The following EBLN1 variants were observed in gnomAD, a reference collection of about 807,000 sequenced individuals.
The protein encoded by EBLN1 is endogenous Bornavirus-like nucleoprotein 1.
In EBLN1, 1 loss-of-function variant was observed where a neutral mutation model predicts 0.8. The observed-to-expected ratio is 1.32, with a 90% CI of 0.47 to 6.26. The LOEUF (loss-of-function observed/expected upper bound fraction) is 6.26, where lower values mean the gene tolerates loss of function less well. Ranked by LOEUF, EBLN1 falls within the 30% of genes most tolerant of loss-of-function variation. The pLI is 0.15. For missense variants in EBLN1, 396 were observed against 447.9 expected, an observed-to-expected ratio of 0.88 and a Z score of 1.05; for synonymous variants, 158 against 158.5, an observed-to-expected ratio of 1.00 and a Z score of 0.02.
chr10:22,209,506 G>A lies in EBLN1; in HGVS notation c.478C>T (p.Gln160Ter). The A allele has an allele frequency of 6.3e-7, 1 of 1,589,078 alleles. No homozygotes were observed. Among genetic ancestry groups the A allele is most frequent in the Non-Finnish European group, 8.5e-7 (1 of 1,175,126 alleles). ...SSDPICTNSL[Q>*]VQRQFKAMMI... ...ATTGCCTTGAATTGTCTCTGTACTT[G>A]GAGGCTGTTGGTGCATATCGGGTCA... Residue 160 changes from glutamine (Q) to a stop codon, truncating the protein, a stop_gained, in exon 3 of 3, where the codon CAA (glutamine) becomes TAA (stop). Coordinates refer to ENST00000422359, the MANE Select transcript of EBLN1 (RefSeq NM_001394757.1). LOFTEE classifies it low-confidence loss of function (END_TRUNC).
Position 22,209,583 on chromosome 10 carries a change from G to T in EBLN1, c.401C>A (p.Ser134Ter), listed in dbSNP as rs775494324. Reference sequence around the variant, plus strand: ...ATCACAGCAGTGACGCAGAATTGATGACATCTCAAGGGCAGTGAAGGTAGG... The same window carrying T: ...ATCACAGCAGTGACGCAGAATTGATTACATCTCAAGGGCAGTGAAGGTAGG... ...VLPTFTALEM[S>*]SILRHCCDLI... The change falls in exon 3 of 3, where the codon TCA becomes TAA. Residue 134 changes from serine to a stop codon, truncating the protein, a stop_gained. Transcript: ENST00000422359. LOFTEE classifies it low-confidence loss of function (END_TRUNC). 6.5e-7 allele frequency: 1 copy of T among 1,539,772 alleles called. No individual in the cohort carries two copies. Among genetic ancestry groups the T allele is most frequent in the South Asian group, 1.2e-5 (1 of 84,500 alleles).
Position 22,209,724 on chromosome 10 carries a change from T to A in EBLN1, c.260A>T (p.Asp87Val). 6.5e-7 allele frequency: 1 copy of A among 1,535,848 alleles called. No individual in the cohort carries two copies. Among genetic ancestry groups the A allele is most frequent in the Non-Finnish European group, 8.7e-7 (1 of 1,146,906 alleles). ...ACTGAGTAGTGCCTTGTGTAATCCA[T>A]CGAATATAAAACACAAAAATACTAA... ...PSLVFLCFIFDGLHKALLSVG... is the reference protein window; with the variant it reads ...PSLVFLCFIFVGLHKALLSVG... Residue 87 changes from aspartate to valine, a missense_variant, in exon 3 of 3, where the codon GAT becomes GTT. Physicochemically the swap from Asp to Val is radical, Grantham distance 152 (BLOSUM62 -3). Transcript: ENST00000422359.
At chr10:22,217,313 A>G (rs1834800290) in intron 1 of EBLN1, among the ~76,000 whole-genome samples, 1 of 152,160 alleles carries the variant, frequency 6.6e-6, no homozygotes, top group Non-Finnish European at 1.5e-5. Context: ...TTTAGTAGAG[A>G]TAGGGTTTCA....
Position 22,208,549 on chromosome 10 carries a change from T to C in EBLN1, c.*334A>G, listed in dbSNP as rs759008238. Among the ~76,000 whole-genome samples the C allele has an allele frequency of 2.0e-5, 3 of 152,082 alleles. No individual in the cohort carries two copies. Among genetic ancestry groups the C allele is most frequent in the Non-Finnish European group, 4.4e-5 (3 of 68,010 alleles). On this transcript the variant is annotated 3_prime_UTR_variant, in exon 3 of 3. Coordinates refer to ENST00000422359, the MANE Select transcript of EBLN1 (RefSeq NM_001394757.1). ...AAGACAAATTAGAGAAGAAATACAA[T>C]AACCTTAAAAATGATCTGGGCCTTA...
rs1467432629 is a variant in EBLN1 at position 22,209,422 on chromosome 10, T to G, written c.562A>C (p.Asn188His). ...ATCCAATCTATAGCTGGCCCTGCAT[T>G]ATAGCTAATTAATAAATCAGCACTT... ...SESADLLISY[N>H]AGPAIDWINS... is the part of the protein sequence containing the mutation. The change falls in exon 3 of 3, where the codon AAT (asparagine) becomes CAT (histidine). Residue 188 changes from asparagine (N) to histidine (H), a missense_variant. Asn to His is a moderately conservative substitution (Grantham distance 68, BLOSUM62 1). Transcript: ENST00000422359. 6.2e-7 allele frequency: 1 copy of G among 1,601,840 alleles called. No individual in the cohort carries two copies. The highest frequency in any genetic ancestry group is 1.7e-5 in the Admixed American group (1 of 60,028).
intron 2 of EBLN1, among the ~76,000 whole-genome samples, chr10:22,212,357 C>T (rs926508012): frequency 8.5e-5 from 13 of 152,156 alleles, no homozygotes; most frequent in African/African-American, 2.7e-4. Flanking sequence ...ATGCAATTTT[C>T]AAATGGCCTA....
At position 22,209,538 on chromosome 10, in the gene EBLN1, C is replaced by G; in HGVS notation, c.446G>C (p.Gly149Ala). The change falls in exon 3 of 3, where the codon GGA becomes GCA. Residue 149 changes from glycine to alanine, a missense_variant. Transcript: ENST00000422359. Reference protein sequence around the residue: ...HCCDLIGIAAGSSDPICTNSL... With the variant: ...HCCDLIGIAAASSDPICTNSL... Reference sequence around the variant, plus strand: ...GTTGGTGCATATCGGGTCACTCGATCCGGCAGCAATGCCTATCAGATCACA... The same window carrying G: ...GTTGGTGCATATCGGGTCACTCGATGCGGCAGCAATGCCTATCAGATCACA... 6.4e-7 allele frequency: 1 copy of G among 1,554,048 alleles called. No homozygotes were observed. The highest frequency in any genetic ancestry group is 8.6e-7 in the Non-Finnish European group (1 of 1,160,548).
chr10:22,214,174 A>G (rs1834774189), intron 1 of EBLN1, among the ~76,000 whole-genome samples: 1 of 152,210 alleles, frequency 6.6e-6, no homozygotes, highest in South Asian at 2.1e-4. Flanking sequence ...CCACCCAAAT[A>G]ACCTAAATAA....
chr10:22,208,891 A>C lies in EBLN1; in HGVS notation c.1093T>G (p.Phe365Val), dbSNP rs1478254339. The change falls in exon 3 of 3, where the codon TTT (phenylalanine) becomes GTT (valine). Residue 365 changes from phenylalanine to valine, a missense_variant. By Grantham distance (50) the Phe-to-Val change is conservative (BLOSUM62 -1). Transcript: ENST00000422359. The part of the protein sequence containing the change: ...NILRGYGISG[F>V]E Reference sequence around the variant, plus strand: ...ATTAGTTCACGTATTTGTTATTCAAATCCCGAAATCCCATAACCGCGAAGG... The same window carrying C: ...ATTAGTTCACGTATTTGTTATTCAACTCCCGAAATCCCATAACCGCGAAGG... 2 of 1,520,766 alleles carry C rather than the reference A, an allele frequency of 1.3e-6. No homozygotes were observed. Among genetic ancestry groups the C allele is most frequent in the Admixed American group, 4.2e-5 (2 of 47,818 alleles). 94.2% of individuals were successfully genotyped at this position (1,520,766 alleles called of 1,614,324 possible). A position where few individuals can be genotyped will look rare whatever the true frequency, so the allele number is the denominator to read the frequency against.
rs1470212672 is a variant in EBLN1 at position 22,209,290 on chromosome 10, C to A, written c.694G>T (p.Ala232Ser). ...LDQVKVVASK[A>S]QMMTYYTVRM... is the part of the protein sequence containing the mutation. ...ACAGTGTAGTAGGTCATCATCTGTG[C>A]TTTGCTGGCAACTACTTTAACTTGA... The change falls in exon 3 of 3, where the codon GCA becomes TCA. Residue 232 changes from alanine to serine, a missense_variant. Coordinates refer to ENST00000422359, the MANE Select transcript of EBLN1 (RefSeq NM_001394757.1). The A allele has an allele frequency of 1.3e-6, 2 of 1,595,178 alleles. No individual in the cohort carries two copies. Among genetic ancestry groups the A allele is most frequent in the Admixed American group, 1.7e-5 (1 of 59,378 alleles).
At chr10:22,212,805 T>G (rs1430754575) in intron 2 of EBLN1, among the ~76,000 whole-genome samples, 37 bp downstream of exon 2, 1 of 149,480 alleles carries the variant, frequency 6.7e-6, no homozygotes, top group East Asian at 2.0e-4. Context: ...AAAGTTGTGT[T>G]TTTTTTTTTA....
Position 22,209,138 on chromosome 10 carries a change from C to T in EBLN1, c.846G>A (p.Gly282=), listed in dbSNP as rs1248916840. 85 of 1,535,862 alleles carry T rather than the reference C, an allele frequency of 5.5e-5. No homozygotes were observed. In the East Asian group the frequency reaches 1.9e-3, roughly 34 times the overall value. Residue 282 remains glycine, a synonymous_variant, in exon 3 of 3, where the codon GGG becomes GGA. Coordinates refer to ENST00000422359, the MANE Select transcript of EBLN1 (RefSeq NM_001394757.1). The part of the protein sequence containing the change: ...KKVLGDFFEF[G]GVLRHPVIGV... ...CAATAACAGGGTGGCGAAGTACACC[C>T]CCAAATTCAAAGAAATCTCCAAGTA...
At chr10:22,213,739 C>G (rs183597374) in intron 1 of EBLN1, among the ~76,000 whole-genome samples, 1 of 152,134 alleles carries the variant, frequency 6.6e-6, no homozygotes, top group East Asian at 1.9e-4. Context: ...AATGTCAAGT[C>G]TCTTGAAGTT....
At chr10:22,217,149 G>A (rs928666563) in intron 1 of EBLN1, among the ~76,000 whole-genome samples, 1 of 151,920 alleles carries the variant, frequency 6.6e-6, no homozygotes, top group Non-Finnish European at 1.5e-5. Context: ...GTTTTGAGAC[G>A]GAGTCTCGCT....
chr10:22,211,797 G>C (rs923548170), intron 2 of EBLN1, among the ~76,000 whole-genome samples: 4 of 152,002 alleles, frequency 2.6e-5, no homozygotes, highest in Admixed American at 1.3e-4. Context: ...CCAAGTGCTG[G>C]GATTACAGGT....
chr10:22,209,534 C>T lies in EBLN1; in HGVS notation c.450G>A (p.Ser150=), dbSNP rs755656089. The T allele has an allele frequency of 6.4e-6, 10 of 1,561,914 alleles. No homozygotes were observed. Among genetic ancestry groups the T allele is most frequent in the Admixed American group, 5.6e-5 (3 of 53,630 alleles). ...GGCTGTTGGTGCATATCGGGTCACT[C>T]GATCCGGCAGCAATGCCTATCAGAT... The part of the protein sequence containing the change: ...CCDLIGIAAG[S]SDPICTNSLQ... The change falls in exon 3 of 3, where the codon TCG becomes TCA. Residue 150 remains serine, a synonymous_variant. Coordinates refer to ENST00000422359, the MANE Select transcript of EBLN1 (RefSeq NM_001394757.1).
rs1463156348 is a variant in EBLN1, at chr10:22,209,942, T to C, written c.42A>G (p.Gln14=). ...AGCTGCTCCCATCCTTTGTACTGTC[T>C]TGTGGGCTGCTGGTCTGTGGGTTGT... is the stretch of plus-strand genomic sequence containing the variant. ...PRNNPQTSSP[Q]DSTKDGSSFH... is the part of the protein sequence containing the mutation. Residue 14 remains glutamine (Q), a synonymous_variant, in exon 3 of 3, where the codon CAA becomes CAG. Transcript: ENST00000422359. 3.5e-6 allele frequency: 5 copies of C among 1,441,336 alleles called. No individual in the cohort carries two copies. In the South Asian group the frequency reaches 4.5e-5, roughly 13 times the overall value. The allele number at this position is 1,441,336 out of a possible 1,614,324, so 89.3% of individuals were successfully genotyped here. A position where few individuals can be genotyped will look rare whatever the true frequency, so the allele number is the denominator to read the frequency against.
At chr10:22,211,789 A>T (rs777133472) in intron 2 of EBLN1, among the ~76,000 whole-genome samples, 27 of 151,878 alleles carry the variant, frequency 1.8e-4, no homozygotes, top group Non-Finnish European at 3.2e-4. Context: ...CAGCCTCCCC[A>T]AGTGCTGGGA....
intron 2 of EBLN1, among the ~76,000 whole-genome samples, 55 bp downstream of exon 2, chr10:22,212,785 TAA>T (rs58169140): frequency 2.1e-5 from 3 of 142,624 alleles, no homozygotes; most frequent in African/African-American, 5.2e-5. Flanking sequence ...CACCATCTCT[TAA>T]AAAAAAAAAA....
Sources: gnomAD v4.1 joint callset for allele counts (sites outside exome capture counted in the v4.1 genomes callset) on GRCh38, gnomAD v4.1.1 for gene constraint, MANE v1.5 for transcripts, NCBI Gene and HGNC (gene_info 2026-07-23, HGNC 2026-07-21) for gene names.